CTNNA3: variants seen among roughly 807,000 people sequenced by gnomAD.
The protein encoded by CTNNA3 is catenin alpha-3.
Under a neutral mutation model 95.7 loss-of-function variants are expected in CTNNA3, and 76 were observed. The ratio of observed to expected loss-of-function variants is 0.79; its 90% CI spans 0.66 to 0.96. The LOEUF (loss-of-function observed/expected upper bound fraction) is 0.96, where lower values mean the gene tolerates loss of function less well. CTNNA3 is among the 40% of genes least tolerant of loss of function. The pLI is 0.00. For missense variants in CTNNA3, 1,191 were observed against 1,089.8 expected (o/e 1.09, Z -1.31); for synonymous variants, 431 against 374.4 (o/e 1.15, Z -1.74).
At chr10:66,332,842 G>A (rs2092347687) in intron 12 of CTNNA3, among the ~76,000 whole-genome samples, 1 of 152,092 alleles carries the variant, frequency 6.6e-6, no homozygotes, top group African/African-American at 2.4e-5. Flanking sequence ...ATTCGGCTGT[G>A]AATCCATCTG....
At chr10:66,193,930 A>G (rs2086812460) in intron 13 of CTNNA3, among the ~76,000 whole-genome samples, 6 of 152,220 alleles carry the variant, frequency 3.9e-5, no homozygotes, top group Admixed American at 3.9e-4. Context: ...ACACAGCCAA[A>G]TAGCACTTGG....
intron 10 of CTNNA3, among the ~76,000 whole-genome samples, chr10:66,593,866 T>C (rs928921002): frequency 6.6e-6 from 1 of 152,144 alleles, no homozygotes; most frequent in Non-Finnish European, 1.5e-5. Context: ...ACTCCTTCCC[T>C]GATAGCTGAA....
chr10:66,210,381 G>C (rs1216426851), intron 13 of CTNNA3, among the ~76,000 whole-genome samples: 3 of 151,268 alleles, frequency 2.0e-5, no homozygotes, highest in African/African-American at 7.3e-5. Flanking sequence ...CACATCAATT[G>C]AGTCCAGGGT....
At position 67,160,818 on chromosome 10, in the gene CTNNA3, G is replaced by T. The variant is rs1372380222; in HGVS notation, c.1047+19499C>A. 2.6e-5 allele frequency among the ~76,000 whole-genome samples: 4 copies of T among 152,242 alleles called. No homozygotes were observed. The East Asian group carries it at 7.7e-4, about 29-fold the overall frequency. ...CAGGTGAATGGATAAAAAATATGTG[G>T]TATATACATACAATGAAATATTATT... On this transcript the variant is annotated intron_variant, in intron 7 of 17. Coordinates refer to ENST00000433211, the MANE Select transcript of CTNNA3 (RefSeq NM_013266.4).
Position 66,069,406 on chromosome 10 carries a change from C to T in CTNNA3, c.2061G>A (p.Leu687=), listed in dbSNP as rs1380267136. Residue 687 remains leucine (L), a synonymous_variant, in exon 15 of 18, where the codon CTG becomes CTA. Transcript: ENST00000433211. ...CATCCCATATCTCAATCTCAGCATC[C>T]AGCTTACTCTTTACTTTCTTGAAAT... is the stretch of plus-strand genomic sequence containing the variant. ...VADFKKVKSK[L]DAEIEIWDDT... is the part of the protein sequence containing the mutation. 3.7e-6 allele frequency: 6 copies of T among 1,613,634 alleles called. No homozygotes were observed. The highest frequency in any genetic ancestry group is 2.2e-5 in the East Asian group (1 of 44,830).
chr10:67,642,587 A>T (rs1413794425), intron 2 of CTNNA3, among the ~76,000 whole-genome samples: 1 of 152,022 alleles, frequency 6.6e-6, no homozygotes, highest in African/African-American at 2.4e-5. Flanking sequence ...GTATGGTGGC[A>T]TGTGCCTGTA....
intron 9 of CTNNA3, among the ~76,000 whole-genome samples, chr10:66,650,574 A>G (rs1845858642): frequency 6.6e-6 from 1 of 152,146 alleles, no homozygotes; most frequent in Admixed American, 6.5e-5. Flanking sequence ...CCTCACGATG[A>G]ATGTTACAGT....
intron 9 of CTNNA3, among the ~76,000 whole-genome samples, chr10:66,683,403 T>G (rs1005377181): frequency 6.6e-6 from 1 of 152,146 alleles, no homozygotes; most frequent in African/African-American, 2.4e-5. Flanking sequence ...TTACAAGTTG[T>G]TAGGAAACAG....
intron 12 of CTNNA3, among the ~76,000 whole-genome samples, chr10:66,304,813 G>A (rs1051597865): frequency 6.6e-6 from 1 of 152,134 alleles, no homozygotes; most frequent in Non-Finnish European, 1.5e-5. Context: ...CAGTGATTAA[G>A]TAAGAGTGGG....
chr10:66,443,856 T>C (rs2093395606), intron 11 of CTNNA3, among the ~76,000 whole-genome samples: 1 of 152,064 alleles, frequency 6.6e-6, no homozygotes, highest in Non-Finnish European at 1.5e-5. Flanking sequence ...GAAGAAGGCT[T>C]CAGACGATCA....
chr10:67,629,306 C>T (rs993471747), intron 2 of CTNNA3, among the ~76,000 whole-genome samples: 6 of 152,228 alleles, frequency 3.9e-5, no homozygotes, highest in Admixed American at 1.3e-4. Context: ...GAAATTTGGC[C>T]TTCACCCCTA....
chr10:66,898,847 G>A (rs1301763709), intron 7 of CTNNA3, among the ~76,000 whole-genome samples: 1 of 152,138 alleles, frequency 6.6e-6, no homozygotes, highest in African/African-American at 2.4e-5. Flanking sequence ...TGCAACAAAA[G>A]CAAAATTAGA....
chr10:67,673,981 T>C (rs1840490612), intron 1 of CTNNA3, among the ~76,000 whole-genome samples: 1 of 151,760 alleles, frequency 6.6e-6, no homozygotes, highest in African/African-American at 2.4e-5. Flanking sequence ...TAGCCAACTC[T>C]TTGCTGTAGG....
intron 9 of CTNNA3, among the ~76,000 whole-genome samples, chr10:66,754,095 G>A (rs951429680): frequency 1.3e-5 from 2 of 152,106 alleles, no homozygotes; most frequent in Non-Finnish European, 2.9e-5. Flanking sequence ...AAAGAAGAAC[G>A]ATACTGGAGG....
chr10:67,243,160 G>A (rs1001932008), intron 5 of CTNNA3, among the ~76,000 whole-genome samples: 2 of 151,984 alleles, frequency 1.3e-5, no homozygotes, highest in Admixed American at 6.6e-5. Context: ...AGCCCATTGT[G>A]TTTCCTACAC....
chr10:67,180,325 T>C lies in CTNNA3; in HGVS notation c.1039A>G (p.Met347Val), dbSNP rs1283469295. Reference protein sequence around the residue: ...QALQDLLSEYMNNAGKKERSN... With the variant: ...QALQDLLSEYVNNAGKKERSN... ...GCAAACCAGTCACCTACGTTGTTCA[T>C]GTACTCTGAAAGCAGATCCTGAAGA... The change falls in exon 7 of 18, where the codon ATG (methionine) becomes GTG (valine). Residue 347 changes from methionine (M) to valine (V), a missense_variant. Met to Val is a conservative substitution (Grantham distance 21, BLOSUM62 1). Transcript: ENST00000433211. 2.5e-6 allele frequency: 4 copies of C among 1,613,330 alleles called. No homozygotes were observed. The highest frequency in any genetic ancestry group is 1.1e-5 in the South Asian group (1 of 91,078).
rs375904303 is a variant in CTNNA3, at chr10:67,466,027, T to A, written c.579+55815A>T. ...TTTTTATTTGCCATTTTAGTTTGTATCTAAAATTCTATATATGCTTCCAAA... is the reference window on the plus strand; with the variant it reads ...TTTTTATTTGCCATTTTAGTTTGTAACTAAAATTCTATATATGCTTCCAAA... On this transcript the variant is annotated intron_variant, in intron 5 of 17. Transcript: ENST00000433211. Among the ~76,000 whole-genome samples the A allele has an allele frequency of 2.6e-5, 4 of 152,312 alleles. No individual in the cohort carries two copies. The East Asian group carries it at 7.7e-4, about 29-fold the overall frequency.
chr10:67,016,507 G>A (rs921427191), intron 7 of CTNNA3, among the ~76,000 whole-genome samples: 3 of 152,120 alleles, frequency 2.0e-5, no homozygotes, highest in Non-Finnish European at 4.4e-5. Flanking sequence ...AGAATAGAAC[G>A]AGGTTGTTGG....
intron 1 of CTNNA3, among the ~76,000 whole-genome samples, chr10:67,694,094 C>G (rs1261651479): frequency 6.6e-6 from 1 of 152,300 alleles, no homozygotes; most frequent in Non-Finnish European, 1.5e-5. Flanking sequence ...ATATAAATCA[C>G]TATGTCTACA....
Sources: gnomAD v4.1 joint callset for allele counts (sites outside exome capture counted in the v4.1 genomes callset) on GRCh38, gnomAD v4.1.1 for gene constraint, MANE v1.5 for transcripts, NCBI Gene and HGNC (gene_info 2026-07-23, HGNC 2026-07-21) for gene names.